The following CRAMP1 variants were observed in gnomAD, a reference collection of about 807,000 sequenced individuals.
CRAMP1 encodes the protein cramped chromatin regulator 1.
In CRAMP1, 50 loss-of-function variants were observed where a neutral mutation model predicts 115.4. The ratio of observed to expected loss-of-function variants is 0.43; its 90% confidence interval spans 0.35 to 0.55. The LOEUF is 0.55. CRAMP1 is among the 20% of genes least tolerant of loss of function. CRAMP1 has a pLI of 0.01. For missense variants in CRAMP1, 1,679 were observed against 1,721.7 expected, an observed-to-expected ratio of 0.98 and a Z score of 0.44; for synonymous variants, 866 against 745.4, an observed-to-expected ratio of 1.16 and a Z score of -2.64.
chr16:1,627,937 AG>A (rs2142174895), intron 3 of CRAMP1, among the ~76,000 whole-genome samples: 1 of 152,270 alleles, frequency 6.6e-6, no homozygotes, highest in South Asian at 2.1e-4. Context: ...CTCCTTGGCA[AG>A]ACTGTAGCCT....
At chr16:1,634,884 C>T (rs901070173) in intron 4 of CRAMP1, among the ~76,000 whole-genome samples, 3 of 152,074 alleles carry the variant, frequency 2.0e-5, no homozygotes, top group African/African-American at 7.2e-5. Flanking sequence ...GTATTTTTGG[C>T]GTGCTTTGGA....
chr16:1,652,019 TCA>T (rs999148165), intron 6 of CRAMP1, among the ~76,000 whole-genome samples: 1 of 151,036 alleles, frequency 6.6e-6, no homozygotes. Flanking sequence ...TGGATTTAGG[TCA>T]CACAGAGGTC....
chr16:1,662,564 CT>C lies in CRAMP1; in HGVS notation c.2493del (p.Phe831LeufsTer25). The C allele has an allele frequency of 6.2e-7, 1 of 1,613,986 alleles. No individual in the cohort carries two copies. Among genetic ancestry groups the C allele is most frequent in the Non-Finnish European group, 8.5e-7 (1 of 1,179,866 alleles). The part of the protein sequence containing the change: ...STGSNDSDGG[L>X]FAVPTTLPPN... ...AGGAAGCAATGACTCAGATGGAGGC[CT>C]TTTTGCTGTCCCGACAACCTTGCCA... On this transcript the variant is annotated frameshift_variant, in exon 12 of 21. Transcript: ENST00000397412. LOFTEE classifies it high-confidence loss of function.
At position 1,675,030 on chromosome 16, in the gene CRAMP1, G is replaced by T. The variant is rs1309184458; in HGVS notation, c.*985G>T. ...CACGGGCATTGGTGTGGGCGTGCCTGACATACGTGTTCAGTCCCTTGCATA... is the reference window on the plus strand; with the variant it reads ...CACGGGCATTGGTGTGGGCGTGCCTTACATACGTGTTCAGTCCCTTGCATA... On this transcript the variant is annotated 3_prime_UTR_variant, in exon 21 of 21. Coordinates refer to ENST00000397412, the MANE Select transcript of CRAMP1 (RefSeq NM_020825.4). 6.6e-6 allele frequency: 1 copy of T among 152,376 alleles called. No individual in the cohort carries two copies. The highest frequency in any genetic ancestry group is 1.9e-4 in the East Asian group (1 of 5,186). The allele number at this position is 152,376 out of a possible 1,614,324, so 9.4% of individuals were successfully genotyped here.
At chr16:1,660,742 G>C (rs543974934) in intron 11 of CRAMP1, among the ~76,000 whole-genome samples, 33 of 152,234 alleles carry the variant, frequency 2.2e-4, no homozygotes, top group African/African-American at 7.7e-4. Context: ...CACAGTGGCT[G>C]ATGCCTGTAA....
chr16:1,660,725 G>T (rs2036821231), intron 11 of CRAMP1, among the ~76,000 whole-genome samples: 1 of 152,240 alleles, frequency 6.6e-6, no homozygotes, highest in Admixed American at 6.5e-5. Context: ...GTGAGTTTTA[G>T]ACTGGGCACA....
intron 17 of CRAMP1, among the ~76,000 whole-genome samples, chr16:1,667,650 G>A (rs1481150164): frequency 1.4e-5 from 2 of 145,834 alleles, no homozygotes; most frequent in African/African-American, 2.4e-5. Flanking sequence ...AGAACTTAGC[G>A]CTCTGGAAGA....
At chr16:1,644,949 G>C (rs988569735) in intron 6 of CRAMP1, among the ~76,000 whole-genome samples, 1 of 151,702 alleles carries the variant, frequency 6.6e-6, no homozygotes. Flanking sequence ...TGATCCTCCC[G>C]TCTTGGCCTC....
intron 6 of CRAMP1, among the ~76,000 whole-genome samples, chr16:1,650,470 G>C (rs1292586578): frequency 1.3e-5 from 2 of 152,178 alleles, no homozygotes; most frequent in African/African-American, 4.8e-5. Context: ...ATAAATATAA[G>C]TCTTAAGCAA....
chr16:1,668,770 C>T (rs873366), intron 18 of CRAMP1, among the ~76,000 whole-genome samples: 1 of 152,210 alleles, frequency 6.6e-6, no homozygotes, highest in African/African-American at 2.4e-5. Context: ...TGAGATGACT[C>T]ATGTGCAACC....
chr16:1,620,150 C>T (rs112256224), intron 2 of CRAMP1, among the ~76,000 whole-genome samples: 1 of 152,112 alleles, frequency 6.6e-6, no homozygotes, highest in Non-Finnish European at 1.5e-5. Flanking sequence ...AACTCTGGCT[C>T]CAAGACCAGA....
intron 8 of CRAMP1, among the ~76,000 whole-genome samples, chr16:1,654,562 T>C (rs374496233): frequency 1.3e-5 from 2 of 152,208 alleles, no homozygotes; most frequent in African/African-American, 2.4e-5. Flanking sequence ...CACGATCACA[T>C]TGTTCTGTGG....
In CRAMP1 at chr16:1,614,554, G is replaced by T. The variant is rs1272891563; in HGVS notation, c.-1-85G>T. The T allele has an allele frequency of 9.9e-6, 8 of 804,946 alleles. No individual in the cohort carries two copies. Among genetic ancestry groups the T allele is most frequent in the Non-Finnish European group, 1.3e-5 (8 of 609,748 alleles). The allele number at this position is 804,946 out of a possible 1,614,324, so 49.9% of individuals were successfully genotyped here. A position where few individuals can be genotyped will look rare whatever the true frequency, so the allele number is the denominator to read the frequency against. On this transcript the variant is annotated intron_variant, in intron 1 of 20. Coordinates refer to ENST00000397412, the MANE Select transcript of CRAMP1 (RefSeq NM_020825.4). This position sits in a 1 kb window ranked among gnomAD's most constrained non-coding sequence, Gnocchi z 4.4. Reference sequence around the variant, plus strand: ...GAGAGGGGATTTGGAACAAACAACGGCGGCCATGTTGAGAGCGCGTCGGGG... The same window carrying T: ...GAGAGGGGATTTGGAACAAACAACGTCGGCCATGTTGAGAGCGCGTCGGGG...
chr16:1,630,667 T>G (rs2036542207), intron 3 of CRAMP1, among the ~76,000 whole-genome samples: 1 of 152,224 alleles, frequency 6.6e-6, no homozygotes, highest in Admixed American at 6.5e-5. Flanking sequence ...CGCACTCGGC[T>G]GCCCAAACTC....
In CRAMP1 at chr16:1,669,100, C is replaced by T; in HGVS notation, c.3434C>T (p.Ser1145Phe). Reference protein sequence around the residue: ...SSSPQPHWIASPTHDPQWYPS... With the variant: ...SSSPQPHWIAFPTHDPQWYPS... ...AGCCCCCAGCCACACTGGATCGCCTCTCCCACCCACGACCCCCAGTGGTAC... is the reference window on the plus strand; with the variant it reads ...AGCCCCCAGCCACACTGGATCGCCTTTCCCACCCACGACCCCCAGTGGTAC... The change falls in exon 19 of 21, where the codon TCT becomes TTT. Residue 1145 changes from serine to phenylalanine, a missense_variant. Transcript: ENST00000397412. The surrounding 1 kb of genome is among the most constrained non-coding windows in gnomAD (Gnocchi z 4.6). 1 of 1,611,332 alleles carries T rather than the reference C, an allele frequency of 6.2e-7. No individual in the cohort carries two copies. Among genetic ancestry groups the T allele is most frequent in the East Asian group, 2.2e-5 (1 of 44,742 alleles).
chr16:1,623,234 G>A (rs1466167420), intron 2 of CRAMP1, among the ~76,000 whole-genome samples: 2 of 152,256 alleles, frequency 1.3e-5, no homozygotes, highest in East Asian at 1.9e-4. Context: ...CTCACACCCA[G>A]CCTTGGGCTG....
Position 1,652,553 on chromosome 16 carries a change from G to A in CRAMP1, c.885G>A (p.Arg295=), listed in dbSNP as rs1312000725. The part of the protein sequence containing the change: ...RNLRIKAPMC[R]ALKKLCDPDG... The stretch of plus-strand genomic sequence containing the variant: ...TGCGGATCAAAGCGCCCATGTGCCG[G>A]GCCCTGAAGAAGCTGTGCGATCCAG... Residue 295 remains arginine (R), a synonymous_variant, in exon 7 of 21, where the codon CGG becomes CGA. Coordinates refer to ENST00000397412, the MANE Select transcript of CRAMP1 (RefSeq NM_020825.4). The A allele has an allele frequency of 2.6e-6, 4 of 1,553,116 alleles. No individual in the cohort carries two copies. Among genetic ancestry groups the A allele is most frequent in the Non-Finnish European group, 3.5e-6 (4 of 1,147,670 alleles).
At chr16:1,665,840 C>T in intron 14 of CRAMP1, 1 of 546,270 alleles carries the variant, frequency 1.8e-6, no homozygotes, top group African/African-American at 1.9e-5. Flanking sequence ...TGACCGCAGC[C>T]TTCCAGTAGC....
In CRAMP1 at chr16:1,670,723, A is replaced by G. The variant is rs774073119; in HGVS notation, c.3559A>G (p.Ser1187Gly). ...GTTGCCGACTCCCATTGGGACCAAC[A>G]GTGGCACTTCCTTGCTTGGCCCCAG... is the stretch of plus-strand genomic sequence containing the variant. ...KMLPTPIGTNSGTSLLGPSLL... is the reference protein window; with the variant it reads ...KMLPTPIGTNGGTSLLGPSLL... Residue 1187 changes from serine (S) to glycine (G), a missense_variant, in exon 20 of 21, where the codon AGT becomes GGT. By Grantham distance (56) the Ser-to-Gly change is moderately conservative. Coordinates refer to ENST00000397412, the MANE Select transcript of CRAMP1 (RefSeq NM_020825.4). 3 of 1,613,978 alleles carry G rather than the reference A, an allele frequency of 1.9e-6. No individual in the cohort carries two copies. The highest frequency in any genetic ancestry group is 8.5e-7 in the Non-Finnish European group (1 of 1,179,874).
Sources: allele counts gnomAD v4.1 joint callset (sites outside exome capture counted in the v4.1 genomes callset), GRCh38; gene constraint gnomAD v4.1.1; non-coding constraint Gnocchi (gnomAD v3.1); transcripts MANE v1.5; gene names NCBI Gene and HGNC (gene_info 2026-07-23, HGNC 2026-07-21).